Variants in USH2A observed in about 807,000 individuals in gnomAD.
USH2A encodes usherin.
USH2A carries 443 observed loss-of-function variants against 538.9 expected under a neutral mutation model. The ratio of observed to expected loss-of-function variants is 0.82; its 90% CI spans 0.76 to 0.89. USH2A has a LOEUF of 0.89. Ranked by LOEUF, USH2A falls within the 40% of genes least tolerant of loss-of-function variation. The probability of loss-of-function intolerance (pLI) is 0.00; values close to 1 mark genes in which losing one functional copy is unlikely to be tolerated. For missense variants in USH2A, 6,633 were observed against 6,324.8 expected (o/e 1.05, Z -1.65); for synonymous variants, 2,413 against 2,273.5 (o/e 1.06, Z -1.75).
chr1:215,977,932 C>G (rs1036416990), intron 35 of USH2A, among the ~76,000 whole-genome samples: 2 of 152,098 alleles, frequency 1.3e-5, no homozygotes, highest in African/African-American at 4.8e-5. Context: ...TCGAGACCAG[C>G]CTGAGCAATG....
intron 32 of USH2A, among the ~76,000 whole-genome samples, chr1:216,004,859 G>C (rs1668355846): frequency 6.6e-6 from 1 of 152,184 alleles, no homozygotes; most frequent in Non-Finnish European, 1.5e-5. Flanking sequence ...ACTTGGAACA[G>C]AGACAATCTA....
At chr1:215,657,008 C>G (rs891933871) in intron 64 of USH2A, among the ~76,000 whole-genome samples, 1 of 152,146 alleles carries the variant, frequency 6.6e-6, no homozygotes, top group Non-Finnish European at 1.5e-5. Flanking sequence ...TATCACATTC[C>G]CATGAGGGGG....
intron 71 of USH2A, among the ~76,000 whole-genome samples, chr1:215,627,687 A>G (rs779482834): frequency 1.3e-5 from 2 of 151,846 alleles, no homozygotes; most frequent in Non-Finnish European, 2.9e-5. Flanking sequence ...CACCGCGCCC[A>G]GCTAATTTTT....
intron 38 of USH2A, among the ~76,000 whole-genome samples, chr1:215,931,638 A>C (rs498911): frequency 0.83 from 126,153 of 151,946 alleles, 52,483 homozygotes; most frequent in African/African-American, 0.85. Flanking sequence ...TGAGGCCTGG[A>C]GGGCCTGAGT....
chr1:216,256,172 T>C (rs2036255519), intron 11 of USH2A, among the ~76,000 whole-genome samples: 1 of 151,994 alleles, frequency 6.6e-6, no homozygotes, highest in Admixed American at 6.6e-5. Context: ...AAGTTGTACT[T>C]TTTCCTTTTT....
intron 47 of USH2A, among the ~76,000 whole-genome samples, chr1:215,836,788 G>C (rs1218367186): frequency 4.7e-5 from 7 of 149,434 alleles, no homozygotes; most frequent in Non-Finnish European, 1.0e-4. Context: ...GATCTCCTGA[G>C]CTTGTGATCC....
intron 6 of USH2A, 73 bp downstream of exon 6, chr1:216,325,232 A>T: frequency 6.6e-7 from 1 of 1,505,546 alleles, no homozygotes; most frequent in Non-Finnish European, 9.2e-7. Context: ...CTGTTGTTTT[A>T]AGACATGAAG....
At chr1:216,343,319 G>A (rs2038111641) in intron 4 of USH2A, among the ~76,000 whole-genome samples, 1 of 149,194 alleles carries the variant, frequency 6.7e-6, no homozygotes, top group African/African-American at 2.5e-5. Context: ...GGTGGCTGAG[G>A]TAGGAGGATT....
At chr1:215,919,380 G>C (rs145944639) in intron 38 of USH2A, among the ~76,000 whole-genome samples, 3 of 152,060 alleles carry the variant, frequency 2.0e-5, no homozygotes, top group East Asian at 1.9e-4. Flanking sequence ...AATCCTGTGA[G>C]ATAGTGCTTA....
At chr1:216,124,763 T>G (rs1048688803) in intron 21 of USH2A, among the ~76,000 whole-genome samples, 10 of 152,142 alleles carry the variant, frequency 6.6e-5, no homozygotes, top group Non-Finnish European at 1.2e-4. Context: ...ACAATGCCAT[T>G]TCCCCTAATT....
chr1:215,737,097 C>T (rs1660175983), intron 60 of USH2A, among the ~76,000 whole-genome samples: 1 of 151,794 alleles, frequency 6.6e-6, no homozygotes, highest in South Asian at 2.1e-4. Context: ...ATATATGATA[C>T]ACATCCATAT....
At position 216,338,602 on chromosome 1, in the gene USH2A, C is replaced by T. The variant is rs1044001388; in HGVS notation, c.785-10948G>A. ...ACTCTTGTGTGACAGACCAAAAATA[C>T]AAAAAATTTTAAAAGTCAAACCACT... is the stretch of plus-strand genomic sequence containing the variant. On this transcript the variant is annotated intron_variant, in intron 4 of 71. Coordinates refer to ENST00000307340, the MANE Select transcript of USH2A (RefSeq NM_206933.4). 6.0e-5 allele frequency among the ~76,000 whole-genome samples: 9 copies of T among 151,220 alleles called. No homozygotes were observed. The South Asian group carries it at 1.9e-3, about 31-fold the overall frequency.
chr1:215,854,725 A>T (rs992258921), intron 44 of USH2A, among the ~76,000 whole-genome samples: 3 of 152,110 alleles, frequency 2.0e-5, no homozygotes, highest in African/African-American at 7.2e-5. Flanking sequence ...GATTGATGGG[A>T]CTGTGTGTGC....
intron 64 of USH2A, 128 bp downstream of exon 64, chr1:215,670,844 G>T: frequency 1.0e-6 from 1 of 959,964 alleles, no homozygotes; most frequent in Non-Finnish European, 1.6e-6. Context: ...AATTTTTAAG[G>T]AATATTATTA....
chr1:216,014,462 T>C (rs12081116), intron 32 of USH2A, among the ~76,000 whole-genome samples: 94,735 of 151,782 alleles, frequency 0.62, 29,814 homozygotes, highest in East Asian at 0.75. Context: ...AATATGTCTC[T>C]ATAGATGTGA....
intron 61 of USH2A, among the ~76,000 whole-genome samples, chr1:215,724,890 G>A (rs1468462763): frequency 6.6e-6 from 1 of 152,150 alleles, no homozygotes; most frequent in African/African-American, 2.4e-5. Flanking sequence ...GGACCCTGAA[G>A]CCCCTTTGTG....
Position 215,675,579 on chromosome 1 carries a change from G to A in USH2A, c.12332C>T (p.Ser4111Phe), listed in dbSNP as rs142095945. The change falls in exon 63 of 72, where the codon TCT becomes TTT. Residue 4111 changes from serine (S) to phenylalanine (F), a missense_variant. Physicochemically the swap from Ser to Phe is radical, Grantham distance 155. Coordinates refer to ENST00000307340, the MANE Select transcript of USH2A (RefSeq NM_206933.4). ...GAAGAGAAACTGACGATTCAAACCA[G>A]AGTACTCCAGGAACCCGTCACTGAA... ...NIFSDGFLEY[S>F]GLNRQFLFRR... 119 of 1,613,976 alleles carry A rather than the reference G, an allele frequency of 7.4e-5. No homozygotes were observed. The highest frequency in any genetic ancestry group is 1.6e-4 in the Middle Eastern group (1 of 6,080).
intron 49 of USH2A, among the ~76,000 whole-genome samples, chr1:215,801,595 A>G (rs984861134): frequency 6.6e-6 from 1 of 152,260 alleles, no homozygotes; most frequent in Non-Finnish European, 1.5e-5. Flanking sequence ...CGAAAGACTG[A>G]AATACTACAA....
chr1:216,091,991 G>A (rs1434758556), intron 22 of USH2A, among the ~76,000 whole-genome samples: 1 of 151,696 alleles, frequency 6.6e-6, no homozygotes. Context: ...CAGGAGTTCG[G>A]GACCAACCTG....
Sources: allele counts gnomAD v4.1 joint callset (sites outside exome capture counted in the v4.1 genomes callset), GRCh38; gene constraint gnomAD v4.1.1; transcripts MANE v1.5; gene names NCBI Gene and HGNC (gene_info 2026-07-23, HGNC 2026-07-21).